Variants in CSMD1 observed in about 807,000 individuals in gnomAD.
CSMD1 encodes CUB and Sushi multiple domains 1, also known as CUB and sushi domain-containing protein 1.
Under a neutral mutation model 417.5 loss-of-function variants are expected in CSMD1, and 213 were observed. That is an observed-to-expected ratio of 0.51 (90% CI 0.46 to 0.57). The LOEUF (loss-of-function observed/expected upper bound fraction) is 0.57, where lower values mean the gene tolerates loss of function less well. Ranked by LOEUF, CSMD1 falls within the 20% of genes least tolerant of loss-of-function variation. The probability of loss-of-function intolerance (pLI) is 0.00; values close to 1 mark genes in which losing one functional copy is unlikely to be tolerated. For missense variants in CSMD1, 6,923 were observed against 4,529.7 expected (o/e 1.53, Z -15.17); for synonymous variants, 2,862 against 1,736.8 (o/e 1.65, Z -16.11).
At chr8:4,511,681 A>C (rs1407613398) in intron 2 of CSMD1, among the ~76,000 whole-genome samples, 1 of 152,182 alleles carries the variant, frequency 6.6e-6, no homozygotes, top group African/African-American at 2.4e-5. Context: ...GAGTGGGAGT[A>C]GGGAAGGCAG....
chr8:3,888,702 G>A (rs546814576), intron 5 of CSMD1, among the ~76,000 whole-genome samples: 52 of 152,248 alleles, frequency 3.4e-4, no homozygotes, highest in African/African-American at 1.2e-3. Flanking sequence ...GGACAGAGAT[G>A]GTGCTGCTGG....
At chr8:4,760,780 G>T (rs907289957) in intron 1 of CSMD1, among the ~76,000 whole-genome samples, 2 of 152,070 alleles carry the variant, frequency 1.3e-5, no homozygotes, top group African/African-American at 2.4e-5. Context: ...ACTAAATTTA[G>T]ATCTGTCAAA....
At chr8:3,490,292 G>C (rs947641788) in intron 11 of CSMD1, among the ~76,000 whole-genome samples, 1 of 152,148 alleles carries the variant, frequency 6.6e-6, no homozygotes, top group Non-Finnish European at 1.5e-5. Flanking sequence ...AAGCTATTGA[G>C]AGAAGGCGCT....
At chr8:4,963,929 T>TA (rs996938167) in intron 1 of CSMD1, among the ~76,000 whole-genome samples, 5 of 152,218 alleles carry the variant, frequency 3.3e-5, no homozygotes, top group Non-Finnish European at 5.9e-5. Context: ...TTACTAGTAT[T>TA]AAAAAAACAA....
intron 5 of CSMD1, among the ~76,000 whole-genome samples, chr8:3,914,442 A>T (rs1415364687): frequency 6.6e-6 from 1 of 152,180 alleles, no homozygotes; most frequent in Admixed American, 6.5e-5. Flanking sequence ...TAAATCTTCT[A>T]TTTCTAACGC....
intron 41 of CSMD1, 71 bp from the exon 42 acceptor site, chr8:3,118,658 G>A: frequency 1.5e-6 from 2 of 1,360,234 alleles, no homozygotes; most frequent in East Asian, 4.6e-5. Flanking sequence ...TTGCAGGAGT[G>A]TCATCACATG....
chr8:3,525,546 G>A (rs895482081), intron 10 of CSMD1, among the ~76,000 whole-genome samples: 1 of 152,158 alleles, frequency 6.6e-6, no homozygotes, highest in African/African-American at 2.4e-5. Flanking sequence ...TGGTGAAAGC[G>A]ATTGCCTCTC....
At chr8:3,911,519 C>T (rs1171968479) in intron 5 of CSMD1, among the ~76,000 whole-genome samples, 1 of 141,466 alleles carries the variant, frequency 7.1e-6, no homozygotes, top group Non-Finnish European at 1.5e-5. Flanking sequence ...CAGAGCAAGA[C>T]TCCGTCTCAA....
At chr8:4,349,047 T>C (rs6994991) in intron 3 of CSMD1, among the ~76,000 whole-genome samples, 1,963 of 152,322 alleles carry the variant, frequency 0.013, 48 homozygotes, top group African/African-American at 0.045. Context: ...TTCTTGCTAA[T>C]TTAGTTAGAA....
intron 3 of CSMD1, among the ~76,000 whole-genome samples, chr8:4,115,155 A>G (rs1395970619): frequency 6.6e-6 from 1 of 152,216 alleles, no homozygotes; most frequent in Admixed American, 6.5e-5. Context: ...TCAATATCTC[A>G]TTTTAAGAAA....
At chr8:3,597,551 T>C (rs1222142785) in intron 8 of CSMD1, among the ~76,000 whole-genome samples, 1 of 152,182 alleles carries the variant, frequency 6.6e-6, no homozygotes, top group Non-Finnish European at 1.5e-5. Context: ...TGCAAGGTAC[T>C]GAGGCCAAGA....
At chr8:4,115,348 G>A (rs1400409077) in intron 3 of CSMD1, among the ~76,000 whole-genome samples, 2 of 152,138 alleles carry the variant, frequency 1.3e-5, no homozygotes, top group African/African-American at 4.8e-5. Flanking sequence ...ACATAATACT[G>A]TTGCATAAAG....
At chr8:3,847,629 G>A (rs758352561) in intron 5 of CSMD1, among the ~76,000 whole-genome samples, 68 of 152,166 alleles carry the variant, frequency 4.5e-4, no homozygotes, top group African/African-American at 5.3e-4. Flanking sequence ...ATGGAGCCCC[G>A]AGAAAACACG....
chr8:4,945,731 G>C (rs141975859), intron 1 of CSMD1, among the ~76,000 whole-genome samples: 69 of 152,146 alleles, frequency 4.5e-4, no homozygotes, highest in African/African-American at 1.6e-3. Flanking sequence ...CTTTTGGAGG[G>C]TACAAGGAGG....
At chr8:4,113,913 A>C (rs1801993565) in intron 3 of CSMD1, among the ~76,000 whole-genome samples, 1 of 152,224 alleles carries the variant, frequency 6.6e-6, no homozygotes, top group Admixed American at 6.5e-5. Context: ...CTCCGAAGCC[A>C]GCAGAGACTG....
At chr8:4,764,605 G>C (rs900522648) in intron 1 of CSMD1, among the ~76,000 whole-genome samples, 7 of 151,848 alleles carry the variant, frequency 4.6e-5, no homozygotes, top group Admixed American at 6.5e-5. Context: ...CTAAAAAAGA[G>C]TGGAAAGATT....
intron 3 of CSMD1, among the ~76,000 whole-genome samples, chr8:4,105,215 G>A (rs7004762): frequency 0.5 from 75,910 of 151,868 alleles, 19,707 homozygotes; most frequent in Non-Finnish European, 0.57. Context: ...GGCAGAAAAA[G>A]CTCACATAAC....
chr8:3,441,660 C>A (rs149951597), intron 12 of CSMD1, among the ~76,000 whole-genome samples: 5 of 151,996 alleles, frequency 3.3e-5, no homozygotes, highest in Admixed American at 6.6e-5. Context: ...CAATGCATTG[C>A]GCATGTGTTC....
chr8:4,614,828 TA>T (rs765360261), intron 2 of CSMD1, among the ~76,000 whole-genome samples: 27 of 152,334 alleles, frequency 1.8e-4, no homozygotes, highest in South Asian at 1.4e-3. Flanking sequence ...AATCAGACAT[TA>T]TTTTTTTAAA....
Sources: allele counts gnomAD v4.1 joint callset (sites outside exome capture counted in the v4.1 genomes callset), GRCh38; gene constraint gnomAD v4.1.1; transcripts MANE v1.5; gene names NCBI Gene and HGNC (gene_info 2026-07-23, HGNC 2026-07-21).